CDK13: variants seen among roughly 807,000 people sequenced by gnomAD.
CDK13 encodes the protein cyclin dependent kinase 13, also known as cyclin-dependent kinase 13.
A neutral mutation model predicts 137.6 loss-of-function variants in CDK13; 40 were observed. The observed-to-expected ratio is 0.29, with a 90% CI of 0.23 to 0.38. CDK13 has a LOEUF of 0.38. CDK13 is among the 10% of genes least tolerant of loss of function. CDK13 has a pLI of 1.00. For missense variants in CDK13, 1,704 were observed against 1,951.8 expected (o/e 0.87, Z 2.39); for synonymous variants, 869 against 760.1 (o/e 1.14, Z -2.36).
At chr7:40,052,143 T>A (rs1785903665) in intron 7 of CDK13, among the ~76,000 whole-genome samples, 1 of 151,544 alleles carries the variant, frequency 6.6e-6, no homozygotes, top group Non-Finnish European at 1.5e-5. Flanking sequence ...CTAGCCTCAT[T>A]TTCTAGAGAA....
intron 13 of CDK13, among the ~76,000 whole-genome samples, chr7:40,093,601 T>C (rs1464816339): frequency 6.6e-6 from 1 of 152,178 alleles, no homozygotes; most frequent in Non-Finnish European, 1.5e-5. Flanking sequence ...CTAGCCGTAA[T>C]TAGCTTTAAA....
chr7:40,094,719 A>G lies in CDK13; in HGVS notation c.4278A>G (p.Arg1426=). 1 of 1,614,052 alleles carries G rather than the reference A, an allele frequency of 6.2e-7. No homozygotes were observed. The highest frequency in any genetic ancestry group is 2.2e-5 in the East Asian group (1 of 44,890). ...TGTTTAGTGGAGACAAGGACCATAGATTTGAATATAGCCATGGTCCTATTG... is the reference window on the plus strand; with the variant it reads ...TGTTTAGTGGAGACAAGGACCATAGGTTTGAATATAGCCATGGTCCTATTG... The part of the protein sequence containing the change: ...PMLFSGDKDH[R]FEYSHGPIAV... The change falls in exon 14 of 14, where the codon AGA becomes AGG. Residue 1426 remains arginine (R), a synonymous_variant. Coordinates refer to ENST00000181839, the MANE Select transcript of CDK13 (RefSeq NM_003718.5).
rs976319927 is a variant in CDK13 at position 40,039,434 on chromosome 7, A to ATTTTT, written c.2354-6383_2354-6379dup. 8.0e-4 allele frequency among the ~76,000 whole-genome samples: 68 copies of ATTTTT among 84,996 alleles called. 13 individuals carry two copies. Among genetic ancestry groups the ATTTTT allele is most frequent in the African/African-American group, 2.1e-3 (37 of 18,012 alleles). 55.8% of individuals were successfully genotyped at this position (84,996 alleles called of 152,430 possible). ...AGGTGCCCACGACCATGCCCGGCTA[A>ATTTTT]TTTTTTTTTTTTTTTTTTTTTTTGC... On this transcript the variant is annotated intron_variant, in intron 5 of 13. Coordinates refer to ENST00000181839, the MANE Select transcript of CDK13 (RefSeq NM_003718.5).
intron 5 of CDK13, among the ~76,000 whole-genome samples, chr7:40,036,156 AAAAT>A (rs1289218841): frequency 6.5e-5 from 8 of 122,360 alleles, no homozygotes; most frequent in South Asian, 2.8e-4. Context: ...ACCCTGTCTC[AAAAT>A]AAATAAATAA....
intron 1 of CDK13, among the ~76,000 whole-genome samples, chr7:39,956,832 C>T (rs1268281025): frequency 6.6e-6 from 1 of 152,186 alleles, no homozygotes; most frequent in Non-Finnish European, 1.5e-5. Context: ...GACAATCCTC[C>T]CGCCTGGGCC....
chr7:40,044,614 C>T (rs1000509332), intron 5 of CDK13, among the ~76,000 whole-genome samples: 38 of 151,260 alleles, frequency 2.5e-4, no homozygotes, highest in African/African-American at 9.0e-4. Flanking sequence ...CCACAGCGCC[C>T]GGCTGTCTTT....
At chr7:40,010,223 A>G (rs1784867673) in intron 5 of CDK13, among the ~76,000 whole-genome samples, 2 of 152,112 alleles carry the variant, frequency 1.3e-5, no homozygotes, top group Admixed American at 1.3e-4. Context: ...AATGGGAGAC[A>G]GTGACAGATC....
intron 1 of CDK13, among the ~76,000 whole-genome samples, chr7:39,956,091 C>T (rs150658696): frequency 1.1e-3 from 163 of 151,070 alleles, no homozygotes; most frequent in African/African-American, 3.5e-3. Flanking sequence ...GAAGATATTC[C>T]GTAATGAAAA....
At chr7:40,000,999 A>T (rs1391708622) in intron 4 of CDK13, among the ~76,000 whole-genome samples, 3 of 152,142 alleles carry the variant, frequency 2.0e-5, no homozygotes, top group Admixed American at 1.3e-4. Context: ...TATATTTTTG[A>T]GACAAGTAAC....
At chr7:40,039,222 C>A (rs1785551162) in intron 5 of CDK13, among the ~76,000 whole-genome samples, 1 of 151,712 alleles carries the variant, frequency 6.6e-6, no homozygotes, top group Admixed American at 6.6e-5. Flanking sequence ...GGTCGTTGAT[C>A]TTTTTTCCCC....
At chr7:40,022,030 C>T in intron 5 of CDK13, among the ~76,000 whole-genome samples, 1 of 152,136 alleles carries the variant, frequency 6.6e-6, no homozygotes, top group East Asian at 1.9e-4. Context: ...CCACCTTTCA[C>T]GTTGAGGGCG....
intron 11 of CDK13, among the ~76,000 whole-genome samples, chr7:40,087,474 A>G (rs1378909503): frequency 4.0e-5 from 6 of 150,558 alleles, no homozygotes; most frequent in South Asian, 4.2e-4. Context: ...CTTCTTTTTC[A>G]TGTCTTATTC....
rs1453852587 is a variant in CDK13, at chr7:40,098,440, T to C, written c.*3460T>C. Reference sequence around the variant, plus strand: ...TCTTTTCCAAAAAGGTGAATCCTTCTTGTAGGACATAGGTAAAAAAAACAA... The same window carrying C: ...TCTTTTCCAAAAAGGTGAATCCTTCCTGTAGGACATAGGTAAAAAAAACAA... On this transcript the variant is annotated 3_prime_UTR_variant, in exon 14 of 14. Transcript: ENST00000181839. 1 of 151,984 alleles carries C rather than the reference T, an allele frequency of 6.6e-6. No individual in the cohort carries two copies. Among genetic ancestry groups the C allele is most frequent in the Non-Finnish European group, 1.5e-5 (1 of 67,978 alleles). 9.4% of individuals were successfully genotyped at this position (151,984 alleles called of 1,614,324 possible).
chr7:40,049,787 A>G (rs908703803), intron 7 of CDK13, among the ~76,000 whole-genome samples: 1 of 151,794 alleles, frequency 6.6e-6, no homozygotes, highest in African/African-American at 2.4e-5. Context: ...CTCTACCTCT[A>G]TGAGTTGAGG....
At chr7:40,059,620 G>A (rs1413318213) in intron 7 of CDK13, among the ~76,000 whole-genome samples, 1 of 152,174 alleles carries the variant, frequency 6.6e-6, no homozygotes, top group East Asian at 1.9e-4. Flanking sequence ...GCCTCCCAAA[G>A]TGCTGGGATT....
chr7:39,956,847 A>G (rs1241850707), intron 1 of CDK13, among the ~76,000 whole-genome samples: 2 of 152,174 alleles, frequency 1.3e-5, no homozygotes, highest in African/African-American at 2.4e-5. Context: ...TGGGCCTCCC[A>G]AAGTGTTGGG....
At chr7:40,058,171 CA>C (rs1786062673) in intron 7 of CDK13, among the ~76,000 whole-genome samples, 2 of 152,016 alleles carry the variant, frequency 1.3e-5, no homozygotes, top group Non-Finnish European at 1.5e-5. Flanking sequence ...ATTCCAAGTA[CA>C]AAGGAGAAGG....
At position 40,094,449 on chromosome 7, in the gene CDK13, G is replaced by A; in HGVS notation, c.4008G>A (p.Lys1336=). The A allele has an allele frequency of 6.2e-7, 1 of 1,613,914 alleles. No individual in the cohort carries two copies. The highest frequency in any genetic ancestry group is 8.5e-7 in the Non-Finnish European group (1 of 1,180,012). Residue 1336 remains lysine (K), a synonymous_variant, in exon 14 of 14, where the codon AAG becomes AAA. Transcript: ENST00000181839. ...CTTACGTGTCCACTTCAGACTACAAGGACAACTTTGGATCCTCTTCTTTCT... is the reference window on the plus strand; with the variant it reads ...CTTACGTGTCCACTTCAGACTACAAAGACAACTTTGGATCCTCTTCTTTCT... ...GDTYVSTSDY[K]DNFGSSSFSS... is the part of the protein sequence containing the mutation.
At position 40,097,508 on chromosome 7, in the gene CDK13, A is replaced by G. The variant is rs1787072974; in HGVS notation, c.*2528A>G. On this transcript the variant is annotated 3_prime_UTR_variant, in exon 14 of 14. Transcript: ENST00000181839. ...TGGATTAATAGAACAAAGTTGGGAA[A>G]TCACTAGTTCTGTAGGTTATAACAG... 1 of 152,134 alleles carries G rather than the reference A, an allele frequency of 6.6e-6. No homozygotes were observed. The highest frequency in any genetic ancestry group is 2.4e-5 in the African/African-American group (1 of 41,458). The allele number at this position is 152,134 out of a possible 1,614,324, so 9.4% of individuals were successfully genotyped here. A position where few individuals can be genotyped will look rare whatever the true frequency, so the allele number is the denominator to read the frequency against.
Sources: gnomAD v4.1 joint callset for allele counts (sites outside exome capture counted in the v4.1 genomes callset) on GRCh38, gnomAD v4.1.1 for gene constraint, MANE v1.5 for transcripts, NCBI Gene and HGNC (gene_info 2026-07-23, HGNC 2026-07-21) for gene names.